CACNA1A: variants seen among roughly 807,000 people sequenced by gnomAD.
The protein encoded by CACNA1A is calcium voltage-gated channel subunit alpha1 A, also known as voltage-dependent P/Q-type calcium channel subunit alpha-1A.
CACNA1A carries 57 observed loss-of-function variants against 262.4 expected under a neutral mutation model. That is an observed-to-expected ratio of 0.22 (90% CI 0.18 to 0.27). The LOEUF (loss-of-function observed/expected upper bound fraction) is 0.27. CACNA1A is among the 10% of genes least tolerant of loss of function. CACNA1A has a pLI of 1.00. For synonymous variants in CACNA1A, 1,431 were observed against 1,419.3 expected, an observed-to-expected ratio of 1.01 and a Z score of -0.18; for missense variants, 2,526 against 3,562.8, an observed-to-expected ratio of 0.71 and a Z score of 7.41.
At chr19:13,267,301 G>T (rs145967004) in intron 24 of CACNA1A, among the ~76,000 whole-genome samples, 1 of 152,114 alleles carries the variant, frequency 6.6e-6, no homozygotes, top group Non-Finnish European at 1.5e-5. Flanking sequence ...CCCGAGTCCC[G>T]CCCGGGCAGC....
At chr19:13,286,104 C>T (rs1430313627) in intron 20 of CACNA1A, among the ~76,000 whole-genome samples, 3 of 151,676 alleles carry the variant, frequency 2.0e-5, no homozygotes, top group Non-Finnish European at 1.5e-5. Flanking sequence ...TTTAATGTGG[C>T]GACTAGAGAG....
intron 10 of CACNA1A, among the ~76,000 whole-genome samples, chr19:13,318,605 T>C (rs1351124592): frequency 2.0e-5 from 3 of 152,028 alleles, no homozygotes; most frequent in Admixed American, 1.3e-4. Context: ...ACTGAACCCA[T>C]CCAGGCAAGT....
chr19:13,415,631 C>T (rs1350550584), intron 3 of CACNA1A, among the ~76,000 whole-genome samples: 1 of 150,796 alleles, frequency 6.6e-6, no homozygotes. Context: ...GTCCCAGCTA[C>T]TGGGGAGGAT....
chr19:13,297,517 T>TA (rs1334301619), intron 19 of CACNA1A, among the ~76,000 whole-genome samples: 4 of 150,900 alleles, frequency 2.7e-5, no homozygotes. Flanking sequence ...CTACTAAAGG[T>TA]AAAAAAATTA....
Position 13,308,524 on chromosome 19 carries a change from A to C in CACNA1A, c.1673T>G (p.Ile558Ser). Residue 558 changes from isoleucine to serine, a missense_variant, in exon 13 of 47, where the codon ATC (isoleucine) becomes AGC (serine). Ile to Ser is a moderately radical substitution (Grantham distance 142). This residue lies in a region of CACNA1A where 102 missense variants were observed against 278.9 expected (regional missense o/e 0.37). Transcript: ENST00000360228. The surrounding 1 kb of genome is among the most constrained non-coding windows in gnomAD (Gnocchi z 4.2). ...SSFNCFDCGVIIGSIFEVIWA... is the reference protein window; with the variant it reads ...SSFNCFDCGVSIGSIFEVIWA... ...GATGACCTCGAAGATGCTCCCAATG[A>C]TAACCTAGGGCAGAGAACCTGGTCT... The C allele has an allele frequency of 6.2e-7, 1 of 1,604,020 alleles. No individual in the cohort carries two copies. The highest frequency in any genetic ancestry group is 8.5e-7 in the Non-Finnish European group (1 of 1,172,158).
At position 13,214,914 on chromosome 19, in the gene CACNA1A, G is replaced by C. The variant is rs955357721; in HGVS notation, c.5732-306C>G. 7.2e-6 allele frequency: 3 copies of C among 415,726 alleles called. No homozygotes were observed. Among genetic ancestry groups the C allele is most frequent in the African/African-American group, 6.0e-5 (3 of 50,094 alleles). 25.8% of individuals were successfully genotyped at this position (415,726 alleles called of 1,614,324 possible). ...TCCCAGTTATCGGCTGCATGACTTA[G>C]GTTACTCTACCACTTAGTAACTCAG... is the stretch of plus-strand genomic sequence containing the variant. On this transcript the variant is annotated intron_variant, in intron 38 of 46. Transcript: ENST00000360228. The surrounding 1 kb of genome is among the most constrained non-coding windows in gnomAD (Gnocchi z 4.1).
rs148902827 is a variant in CACNA1A, at chr19:13,431,803, G to A, written c.539+21073C>T. 5.9e-5 allele frequency among the ~76,000 whole-genome samples: 9 copies of A among 152,124 alleles called. No homozygotes were observed. The East Asian group carries it at 9.7e-4, about 16-fold the overall frequency. ...AGAAACGCAAATAGTACACAATCTC[G>A]CTTATATGTGAGCTCTAAAAAATTT... is the stretch of plus-strand genomic sequence containing the variant. On this transcript the variant is annotated intron_variant, in intron 3 of 46. Transcript: ENST00000360228.
At position 13,207,460 on chromosome 19, in the gene CACNA1A, C is replaced by T. The variant is rs16058; in HGVS notation, c.7374G>A (p.Ser2458=). The T allele has an allele frequency of 7.7e-5, 116 of 1,497,810 alleles. 3 individuals are homozygous for T. In the South Asian group the frequency reaches 1.2e-3, roughly 15 times the overall value. The allele number at this position is 1,497,810 out of a possible 1,614,324, so 92.8% of individuals were successfully genotyped here. The change falls in exon 47 of 47, where the codon TCG becomes TCA. Residue 2458 remains serine, a synonymous_variant. Transcript: ENST00000360228. The surrounding 1 kb of genome is among the most constrained non-coding windows in gnomAD (Gnocchi z 5.7). ...TGRSPRTPRA[S]GPACASPSRH... ...GAGAAGGCGAGGCGCAGGCCGGGCC[C>T]GAGGCCCGGGGAGTCCTGGGCGAGC...
intron 4 of CACNA1A, among the ~76,000 whole-genome samples, chr19:13,369,219 A>G (rs1031094776): frequency 6.6e-6 from 1 of 152,090 alleles, no homozygotes; most frequent in Non-Finnish European, 1.5e-5. Flanking sequence ...TCTTCTTAGT[A>G]GAATTGCCCT....
chr19:13,242,754 C>G (rs1295339981), intron 31 of CACNA1A, among the ~76,000 whole-genome samples: 3 of 152,176 alleles, frequency 2.0e-5, no homozygotes, highest in African/African-American at 7.2e-5. Context: ...AGTAGGTGCT[C>G]AATGAATGTC....
intron 3 of CACNA1A, among the ~76,000 whole-genome samples, chr19:13,414,356 C>T (rs1049963234): frequency 5.3e-5 from 8 of 152,162 alleles, no homozygotes; most frequent in East Asian, 1.9e-4. Flanking sequence ...GCTGTGATTG[C>T]GCCACTGCAC....
chr19:13,263,655 GGACT>G (rs2056793541), intron 24 of CACNA1A: 1 of 152,292 alleles, frequency 6.6e-6, no homozygotes, highest in South Asian at 2.1e-4. Flanking sequence ...CAAGTAGCTG[GGACT>G]ACAGGTGCGT....
chr19:13,222,228 G>C (rs2055258105), intron 38 of CACNA1A, among the ~76,000 whole-genome samples: 1 of 151,956 alleles, frequency 6.6e-6, no homozygotes. Context: ...TTTTAGTAGA[G>C]ACAGGGTTTT....
intron 3 of CACNA1A, among the ~76,000 whole-genome samples, chr19:13,432,329 C>T (rs1370880295): frequency 6.6e-6 from 1 of 151,414 alleles, no homozygotes; most frequent in Non-Finnish European, 1.5e-5. Context: ...GCTGGAGAAT[C>T]GCTTGAACCC....
At chr19:13,260,973 T>C (rs1005716467) in intron 26 of CACNA1A, 1 of 152,730 alleles carries the variant, frequency 6.5e-6, no homozygotes, top group African/African-American at 2.4e-5. Context: ...TATTTGGTAA[T>C]GAAACCTGAT....
intron 1 of CACNA1A, among the ~76,000 whole-genome samples, chr19:13,494,991 AT>A (rs1000440083): frequency 4.6e-5 from 7 of 152,278 alleles, no homozygotes; most frequent in African/African-American, 1.7e-4. Context: ...AATCTGGGGC[AT>A]TTACCCAATC....
intron 38 of CACNA1A, among the ~76,000 whole-genome samples, chr19:13,217,937 TTTTTTTTTTTTTTTA>T (rs1274852439): frequency 1.3e-5 from 2 of 149,608 alleles, no homozygotes; most frequent in Non-Finnish European, 3.0e-5. Flanking sequence ...CTTTTTTTTT[TTTTTTTTTTTTTTTA>T]AAAAAAAGAG....
In CACNA1A at chr19:13,255,077, C is replaced by T. The variant is rs1392952254; in HGVS notation, c.4755+18G>A. 1.2e-6 allele frequency: 2 copies of T among 1,612,776 alleles called. No individual in the cohort carries two copies. The highest frequency in any genetic ancestry group is 1.7e-6 in the Non-Finnish European group (2 of 1,179,080). On this transcript the variant is annotated intron_variant, in intron 29 of 46. Coordinates refer to ENST00000360228, the MANE Select transcript of CACNA1A (RefSeq NM_001127222.2). ...GGTGGGGGTTAAGTAGTGCTGGGGGCTGGTGTGGGGCACTTACCTTCATCA... is the reference window on the plus strand; with the variant it reads ...GGTGGGGGTTAAGTAGTGCTGGGGGTTGGTGTGGGGCACTTACCTTCATCA...
chr19:13,379,477 T>C (rs1198285244), intron 3 of CACNA1A, among the ~76,000 whole-genome samples: 1 of 152,030 alleles, frequency 6.6e-6, no homozygotes, highest in African/African-American at 2.4e-5. Context: ...GTATGACAGA[T>C]GTTAGGGCGA....
Sources: gnomAD v4.1 joint callset for allele counts (sites outside exome capture counted in the v4.1 genomes callset) on GRCh38, gnomAD v4.1.1 for gene constraint, gnomAD v4.1.1 regional missense constraint, Gnocchi (gnomAD v3.1) non-coding constraint, MANE v1.5 for transcripts, NCBI Gene and HGNC (gene_info 2026-07-23, HGNC 2026-07-21) for gene names.